Variants in CDH12 observed in about 807,000 individuals in gnomAD.
CDH12 encodes the protein cadherin 12.
CDH12 carries 41 observed loss-of-function variants against 74.1 expected under a neutral mutation model. The ratio of observed to expected loss-of-function variants is 0.55; its 90% confidence interval spans 0.43 to 0.72. CDH12 has a LOEUF of 0.72. Ranked by LOEUF, CDH12 falls within the 30% of genes least tolerant of loss-of-function variation. CDH12 has a pLI of 0.00. For missense variants in CDH12, 945 were observed against 977.2 expected (o/e 0.97, Z 0.44); for synonymous variants, 399 against 355.0 (o/e 1.12, Z -1.39).
chr5:22,593,120 T>C (rs371322138), intron 1 of CDH12, among the ~76,000 whole-genome samples: 4 of 152,044 alleles, frequency 2.6e-5, no homozygotes, highest in East Asian at 3.9e-4. Context: ...CTAACCCTCA[T>C]TGGTTTAAAG....
chr5:22,710,458 C>T lies in CDH12; in HGVS notation c.-523+142600G>A, dbSNP rs914068291. Among the ~76,000 whole-genome samples the T allele has an allele frequency of 1.1e-4, 16 of 152,162 alleles. 1 individual carries two copies. The highest frequency in any genetic ancestry group is 4.1e-4 in the South Asian group (2 of 4,826). On this transcript the variant is annotated intron_variant, in intron 1 of 14. Transcript: ENST00000382254. ...TTAGACAGTAATGGCTGTTGACAAC[C>T]GAGGTACACAATAATTTTTAGAATG...
intron 6 of CDH12, chr5:21,883,890 G>A (rs1253644838): frequency 1.2e-6 from 2 of 1,606,520 alleles, no homozygotes; most frequent in Admixed American, 1.7e-5. Flanking sequence ...TGCTGTTGAA[G>A]GAGGCATTGT....
chr5:22,503,108 C>G (rs1185016405), intron 2 of CDH12, among the ~76,000 whole-genome samples: 1 of 152,062 alleles, frequency 6.6e-6, no homozygotes, highest in Admixed American at 6.6e-5. Context: ...TATAAATGAT[C>G]AAAGAATGCT....
intron 4 of CDH12, among the ~76,000 whole-genome samples, chr5:22,131,954 C>T (rs893556621): frequency 2.0e-5 from 3 of 152,176 alleles, no homozygotes; most frequent in Non-Finnish European, 4.4e-5. Flanking sequence ...AGGCAAAAAG[C>T]TATGGAAAGG....
chr5:22,734,199 G>A (rs1744571566), intron 1 of CDH12, among the ~76,000 whole-genome samples: 1 of 151,912 alleles, frequency 6.6e-6, no homozygotes, highest in African/African-American at 2.4e-5. Context: ...CTTAGAAATT[G>A]TATGTATTCA....
chr5:22,811,283 A>C (rs984031412), intron 1 of CDH12, among the ~76,000 whole-genome samples: 3 of 152,136 alleles, frequency 2.0e-5, no homozygotes, highest in African/African-American at 7.2e-5. Flanking sequence ...CACAGCGGTT[A>C]ATCTTCTATT....
intron 2 of CDH12, among the ~76,000 whole-genome samples, chr5:22,441,825 T>C (rs2126542685): frequency 6.6e-6 from 1 of 152,282 alleles, no homozygotes; most frequent in East Asian, 1.9e-4. Flanking sequence ...TTCCTCAGCC[T>C]CTCAAGTAGC....
chr5:21,863,085 A>C (rs1395786654), intron 6 of CDH12, among the ~76,000 whole-genome samples: 2 of 152,158 alleles, frequency 1.3e-5, no homozygotes, highest in African/African-American at 4.8e-5. Flanking sequence ...TTCTATCCCT[A>C]TTTTTAAAAA....
intron 3 of CDH12, among the ~76,000 whole-genome samples, chr5:22,352,091 C>T (rs1447601822): frequency 6.6e-6 from 1 of 150,474 alleles, no homozygotes; most frequent in East Asian, 1.9e-4. Flanking sequence ...ATATTTAAAG[C>T]TCTATTAAGT....
At chr5:22,654,107 C>G (rs1229558159) in intron 1 of CDH12, among the ~76,000 whole-genome samples, 1 of 150,066 alleles carries the variant, frequency 6.7e-6, no homozygotes, top group Non-Finnish European at 1.5e-5. Context: ...TTCCTTCCTT[C>G]CCTGTCCTTC....
rs561026902 is a variant in CDH12, at chr5:22,210,770, C to T, written c.-187+1728G>A. 9.6e-4 allele frequency among the ~76,000 whole-genome samples: 145 copies of T among 151,588 alleles called. 5 individuals are homozygous for T. The highest frequency in any genetic ancestry group is 7.7e-4 in the Non-Finnish European group (52 of 67,928). ...AGATGTTTTCAGCGACATGCAAGTT[C>T]GCTAGTAGCAAGTGTGTGTCCCTGT... On this transcript the variant is annotated intron_variant, in intron 4 of 14. Coordinates refer to ENST00000382254, the MANE Select transcript of CDH12 (RefSeq NM_004061.5).
chr5:21,936,917 A>C (rs1487576750), intron 6 of CDH12, among the ~76,000 whole-genome samples: 1 of 152,192 alleles, frequency 6.6e-6, no homozygotes, highest in Non-Finnish European at 1.5e-5. Flanking sequence ...CATGATTATA[A>C]GTTTACTTAT....
intron 1 of CDH12, among the ~76,000 whole-genome samples, chr5:22,746,267 C>T (rs1007635392): frequency 6.6e-6 from 1 of 152,088 alleles, no homozygotes; most frequent in African/African-American, 2.4e-5. Flanking sequence ...TCTTTGGAGG[C>T]TGTTTGGAGG....
intron 5 of CDH12, among the ~76,000 whole-genome samples, chr5:22,037,716 G>T (rs2150180045): frequency 6.6e-6 from 1 of 152,290 alleles, no homozygotes; most frequent in East Asian, 1.9e-4. Flanking sequence ...CAAGATGGCA[G>T]ATTAGAAGCA....
intron 2 of CDH12, among the ~76,000 whole-genome samples, chr5:22,405,599 T>C (rs570195691): frequency 4.6e-5 from 7 of 152,108 alleles, no homozygotes; most frequent in African/African-American, 1.7e-4. Context: ...AAAGAGAAAA[T>C]GGTAGGCAGA....
chr5:22,425,087 G>T (rs1298605864), intron 2 of CDH12, among the ~76,000 whole-genome samples: 6 of 144,976 alleles, frequency 4.1e-5, no homozygotes, highest in East Asian at 2.0e-4. Context: ...TAGAGAGAGA[G>T]AGAGAGAGAG....
intron 5 of CDH12, among the ~76,000 whole-genome samples, chr5:22,048,055 G>A (rs1740086871): frequency 6.6e-6 from 1 of 152,108 alleles, no homozygotes; most frequent in African/African-American, 2.4e-5. Flanking sequence ...GCAGGGGTAG[G>A]GGTGTGAGAC....
intron 3 of CDH12, among the ~76,000 whole-genome samples, chr5:22,305,892 T>C (rs902341471): frequency 1.3e-5 from 2 of 152,172 alleles, no homozygotes; most frequent in African/African-American, 4.8e-5. Flanking sequence ...TCTGTCCACC[T>C]TCTTGCCCAC....
chr5:22,463,922 C>T (rs935057734), intron 2 of CDH12, among the ~76,000 whole-genome samples: 1 of 152,114 alleles, frequency 6.6e-6, no homozygotes, highest in Non-Finnish European at 1.5e-5. Flanking sequence ...CTGTAACTTT[C>T]TTCAATGGTT....
Sources: allele counts gnomAD v4.1 joint callset (sites outside exome capture counted in the v4.1 genomes callset), GRCh38; gene constraint gnomAD v4.1.1; transcripts MANE v1.5; gene names NCBI Gene and HGNC (gene_info 2026-07-23, HGNC 2026-07-21).